The following ETS1 variants were observed in gnomAD, a reference collection of about 807,000 sequenced individuals.
ETS1 encodes the protein protein C-ets-1.
A neutral mutation model predicts 58.6 loss-of-function variants in ETS1; 15 were observed. The ratio of observed to expected loss-of-function variants is 0.26; its 90% CI spans 0.17 to 0.39. The LOEUF is 0.39. Ranked by LOEUF, ETS1 falls within the 10% of genes least tolerant of loss-of-function variation. The probability of loss-of-function intolerance (pLI) is 1.00; values close to 1 mark genes in which losing one functional copy is unlikely to be tolerated. For missense variants in ETS1, 417 were observed against 610.5 expected, an observed-to-expected ratio of 0.68 and a Z score of 3.34; for synonymous variants, 214 against 218.2, an observed-to-expected ratio of 0.98 and a Z score of 0.17.
In ETS1 at chr11:128,521,767, G is replaced by GATCCAGCTGGATCC. The variant is rs1376129566; in HGVS notation, c.215-31192_215-31191insGGATCCAGCTGGAT. On this transcript the variant is annotated intron_variant, in intron 3 of 9. Coordinates refer to ENST00000392668, the MANE Select transcript of ETS1 (RefSeq NM_001143820.2). ...CCTCCTCCTCCTCCTTCTCCTCCTC[G>GATCCAGCTGGATCC]TCCTCCAGATCCAGCTGCCAACAGC... is the stretch of plus-strand genomic sequence containing the variant. 5.2e-6 allele frequency: 3 copies of GATCCAGCTGGATCC among 577,272 alleles called. No individual in the cohort carries two copies. The African/African-American group carries it at 5.8e-5, about 11-fold the overall frequency. The allele number at this position is 577,272 out of a possible 1,614,324, so 35.8% of individuals were successfully genotyped here. A position where few individuals can be genotyped will look rare whatever the true frequency, so the allele number is the denominator to read the frequency against.
chr11:128,565,700 T>C (rs535005234), intron 2 of ETS1, among the ~76,000 whole-genome samples: 70 of 152,360 alleles, frequency 4.6e-4, no homozygotes, highest in African/African-American at 1.7e-3. Context: ...CTAAGAGTTA[T>C]GAGCATAAAT....
chr11:128,560,451 AT>A (rs1455744123), intron 2 of ETS1, among the ~76,000 whole-genome samples: 1 of 152,194 alleles, frequency 6.6e-6, no homozygotes, highest in Non-Finnish European at 1.5e-5. Flanking sequence ...ATCCTGCAAG[AT>A]TAGTATTTTC....
chr11:128,552,763 C>A (rs138574910), intron 3 of ETS1, among the ~76,000 whole-genome samples: 1 of 152,110 alleles, frequency 6.6e-6, no homozygotes, highest in Non-Finnish European at 1.5e-5. Context: ...TCTCTGATGT[C>A]GGTTTTGGAA....
intron 3 of ETS1, among the ~76,000 whole-genome samples, chr11:128,540,336 A>G (rs931507580): frequency 4.0e-4 from 60 of 151,684 alleles, no homozygotes; most frequent in African/African-American, 1.0e-3. Context: ...AAAAAAAAAA[A>G]AAGAAGAAGA....
At chr11:128,533,241 G>A (rs1291161839) in intron 3 of ETS1, among the ~76,000 whole-genome samples, 2 of 152,146 alleles carry the variant, frequency 1.3e-5, no homozygotes, top group Non-Finnish European at 2.9e-5. Context: ...AAAATCTTTG[G>A]CCAGCATTCC....
At position 128,480,554 on chromosome 11, in the gene ETS1, T is replaced by A. The variant is rs529241462; in HGVS notation, c.863-103A>T. ...TATGGAGGACAGATTGCTAATCAGA[T>A]CTGCAGGAAGGACGGAAGAAGGGAG... On this transcript the variant is annotated intron_variant, in intron 7 of 9. Coordinates refer to ENST00000392668, the MANE Select transcript of ETS1 (RefSeq NM_001143820.2). The A allele has an allele frequency of 1.0e-5, 8 of 777,750 alleles. No individual in the cohort carries two copies. In the Admixed American group the frequency reaches 1.4e-4, roughly 14 times the overall value. 48.2% of individuals were successfully genotyped at this position (777,750 alleles called of 1,614,324 possible). A position where few individuals can be genotyped will look rare whatever the true frequency, so the allele number is the denominator to read the frequency against.
rs529777288 is a variant in ETS1 at position 128,489,228 on chromosome 11, C to T, written c.535+62G>A. On this transcript the variant is annotated intron_variant, in intron 5 of 9. Transcript: ENST00000392668. ...TTGACGTCCCACCATTGGGTGAGCC[C>T]CCTACCTACTCTCACAGCAACCCCA... 5.5e-6 allele frequency: 8 copies of T among 1,446,642 alleles called. No individual in the cohort carries two copies. The African/African-American group carries it at 1.1e-4, about 20-fold the overall frequency. The allele number at this position is 1,446,642 out of a possible 1,614,324, so 89.6% of individuals were successfully genotyped here.
In ETS1 at chr11:128,549,658, C is replaced by T. The variant is rs1300935296; in HGVS notation, c.214+6633G>A. Reference sequence around the variant, plus strand: ...CCACTGTCACTCCACGAACCCAGCCCAGAGGCTTCGGTTTGTCTGTCTTGG... The same window carrying T: ...CCACTGTCACTCCACGAACCCAGCCTAGAGGCTTCGGTTTGTCTGTCTTGG... On this transcript the variant is annotated intron_variant, in intron 3 of 9. Coordinates refer to ENST00000392668, the MANE Select transcript of ETS1 (RefSeq NM_001143820.2). The surrounding 1 kb of genome is among the most constrained non-coding windows in gnomAD (Gnocchi z 4.3). 2.2e-4 allele frequency among the ~76,000 whole-genome samples: 33 copies of T among 152,300 alleles called. No homozygotes were observed.
Position 128,573,149 on chromosome 11 carries a change from G to T in ETS1, c.-14-5C>A. 1 of 1,563,580 alleles carries T rather than the reference G, an allele frequency of 6.4e-7. No homozygotes were observed. Among genetic ancestry groups the T allele is most frequent in the South Asian group, 1.2e-5 (1 of 85,060 alleles). Reference sequence around the variant, plus strand: ...AGCTCATTCTGCTCTCAGCACCTGTGTGAGAGAAGGCGTTGGCTGAGCCTC... The same window carrying T: ...AGCTCATTCTGCTCTCAGCACCTGTTTGAGAGAAGGCGTTGGCTGAGCCTC... On this transcript the variant is annotated splice_polypyrimidine_tract_variant and splice_region_variant and intron_variant, in intron 1 of 9. Coordinates refer to ENST00000392668, the MANE Select transcript of ETS1 (RefSeq NM_001143820.2).
chr11:128,517,701 G>A (rs1348571978), intron 3 of ETS1, among the ~76,000 whole-genome samples: 2 of 152,024 alleles, frequency 1.3e-5, no homozygotes, highest in African/African-American at 2.4e-5. Context: ...CTGAAACAGG[G>A]AGACTCTCCT....
intron 3 of ETS1, among the ~76,000 whole-genome samples, chr11:128,498,677 CG>C (rs1190938849): frequency 1.3e-5 from 2 of 152,098 alleles, no homozygotes; most frequent in Non-Finnish European, 2.9e-5. Flanking sequence ...ACCCAAGCTG[CG>C]TTTTAATTGT....
At chr11:128,469,103 A>G (rs1862117301) in intron 8 of ETS1, among the ~76,000 whole-genome samples, 1 of 152,248 alleles carries the variant, frequency 6.6e-6, no homozygotes, top group South Asian at 2.1e-4. Flanking sequence ...GGTGACCCTC[A>G]GGCTGCATTT....
chr11:128,566,329 G>C (rs1190725413), intron 2 of ETS1, among the ~76,000 whole-genome samples: 1 of 152,214 alleles, frequency 6.6e-6, no homozygotes, highest in Non-Finnish European at 1.5e-5. Flanking sequence ...AAAAGGAAAA[G>C]AGAATTGATG....
At chr11:128,577,844 A>G in intron 1 of ETS1, among the ~76,000 whole-genome samples, 1 of 152,116 alleles carries the variant, frequency 6.6e-6, no homozygotes, top group East Asian at 1.9e-4. Flanking sequence ...GTGCAATGCT[A>G]AGAAAAAAAT....
chr11:128,522,216 G>A, intron 3 of ETS1: 1 of 1,231,972 alleles, frequency 8.1e-7, no homozygotes, highest in Non-Finnish European at 1.0e-6. Context: ...GCGCGCTCGG[G>A]TCCCAGCCTC....
At chr11:128,577,415 T>A (rs542195052) in intron 1 of ETS1, among the ~76,000 whole-genome samples, 2 of 152,284 alleles carry the variant, frequency 1.3e-5, no homozygotes, top group East Asian at 3.9e-4. Context: ...GACACCTAGG[T>A]GTTTGTTCGT....
At chr11:128,501,022 C>G (rs958960338) in intron 3 of ETS1, among the ~76,000 whole-genome samples, 4 of 152,158 alleles carry the variant, frequency 2.6e-5, no homozygotes, top group Middle Eastern at 3.2e-3. Flanking sequence ...TATCAATAGG[C>G]CCTTGCTTTG....
At chr11:128,580,326 C>T (rs185161044) in intron 1 of ETS1, among the ~76,000 whole-genome samples, 1 of 152,210 alleles carries the variant, frequency 6.6e-6, no homozygotes, top group Non-Finnish European at 1.5e-5. Flanking sequence ...CATCTATACT[C>T]CTTCAGTGTG....
chr11:128,492,070 T>G (rs138182124), intron 3 of ETS1, among the ~76,000 whole-genome samples: 157 of 152,356 alleles, frequency 1.0e-3, no homozygotes, highest in African/African-American at 3.5e-3. Flanking sequence ...CTAGCTTTCC[T>G]GTTACCTTTT....
Sources: allele counts gnomAD v4.1 joint callset (sites outside exome capture counted in the v4.1 genomes callset), GRCh38; gene constraint gnomAD v4.1.1; non-coding constraint Gnocchi (gnomAD v3.1); transcripts MANE v1.5; gene names NCBI Gene and HGNC (gene_info 2026-07-23, HGNC 2026-07-21).